The following CDH12 variants were observed in gnomAD, a reference collection of about 807,000 sequenced individuals.
The protein encoded by CDH12 is cadherin-12.
A neutral mutation model predicts 74.1 loss-of-function variants in CDH12; 41 were observed. That is an observed-to-expected ratio of 0.55 (90% CI 0.43 to 0.72). The LOEUF (loss-of-function observed/expected upper bound fraction) is 0.72. CDH12 is among the 30% of genes least tolerant of loss of function. CDH12 has a pLI of 0.00. For synonymous variants in CDH12, 399 were observed against 355.0 expected (o/e 1.12, Z -1.39); for missense variants, 945 against 977.2 (o/e 0.97, Z 0.44).
intron 1 of CDH12, among the ~76,000 whole-genome samples, chr5:22,660,336 G>C (rs1006060322): frequency 1.3e-5 from 2 of 152,162 alleles, no homozygotes; most frequent in African/African-American, 4.8e-5. Flanking sequence ...AAATGATAGT[G>C]CATGCTATAT....
intron 3 of CDH12, among the ~76,000 whole-genome samples, chr5:22,316,494 C>A (rs1039411497): frequency 6.6e-6 from 1 of 152,096 alleles, no homozygotes. Flanking sequence ...GCTTACCTTG[C>A]ATTCACAGAG....
At chr5:22,205,923 A>G (rs1751190760) in intron 4 of CDH12, among the ~76,000 whole-genome samples, 1 of 152,104 alleles carries the variant, frequency 6.6e-6, no homozygotes, top group African/African-American at 2.4e-5. Context: ...ACATCCAACT[A>G]TTCTATGTCC....
intron 2 of CDH12, among the ~76,000 whole-genome samples, chr5:22,444,225 G>A (rs1445279204): frequency 2.6e-5 from 4 of 151,798 alleles, no homozygotes; most frequent in Admixed American, 6.6e-5. Context: ...CTGGGTAGTC[G>A]TTTGCTGTGA....
At chr5:21,900,841 A>G (rs1230579073) in intron 6 of CDH12, among the ~76,000 whole-genome samples, 1 of 152,192 alleles carries the variant, frequency 6.6e-6, no homozygotes, top group African/African-American at 2.4e-5. Flanking sequence ...ACAGAATCAT[A>G]CAGTCATCTT....
intron 4 of CDH12, among the ~76,000 whole-genome samples, chr5:22,141,015 C>T (rs2150297774): frequency 6.6e-6 from 1 of 152,278 alleles, no homozygotes; most frequent in South Asian, 2.1e-4. Flanking sequence ...AACCTTTCCT[C>T]CTAGTGGACA....
chr5:21,790,715 G>A (rs566067585), intron 10 of CDH12, among the ~76,000 whole-genome samples: 1 of 152,136 alleles, frequency 6.6e-6, no homozygotes, highest in Non-Finnish European at 1.5e-5. Context: ...CAGCGTGTGA[G>A]TGTATGTGTA....
At chr5:22,487,368 C>A (rs189926215) in intron 2 of CDH12, among the ~76,000 whole-genome samples, 8 of 152,008 alleles carry the variant, frequency 5.3e-5, no homozygotes, top group Admixed American at 4.6e-4. Flanking sequence ...ATATAGTGGA[C>A]AACAAGGTAA....
At chr5:22,609,700 G>T (rs1159247934) in intron 1 of CDH12, among the ~76,000 whole-genome samples, 2 of 152,016 alleles carry the variant, frequency 1.3e-5, no homozygotes, top group African/African-American at 4.8e-5. Context: ...GATATTAAGG[G>T]TAGGAAGAAA....
intron 1 of CDH12, among the ~76,000 whole-genome samples, chr5:22,718,292 C>A (rs1296182912): frequency 6.6e-6 from 1 of 152,174 alleles, no homozygotes; most frequent in Non-Finnish European, 1.5e-5. Flanking sequence ...TTTCCATCCA[C>A]CCCCACTCCC....
chr5:22,610,254 T>C (rs916173436), intron 1 of CDH12, among the ~76,000 whole-genome samples: 1 of 152,168 alleles, frequency 6.6e-6, no homozygotes, highest in African/African-American at 2.4e-5. Flanking sequence ...TCTTATATCA[T>C]GTCTTGGAAG....
At chr5:22,817,216 TG>T (rs1230860588) in intron 1 of CDH12, among the ~76,000 whole-genome samples, 1 of 152,118 alleles carries the variant, frequency 6.6e-6, no homozygotes, top group African/African-American at 2.4e-5. Flanking sequence ...TTATTCAAAG[TG>T]TGGTTTTAGT....
chr5:22,673,482 T>C (rs1341750661), intron 1 of CDH12, among the ~76,000 whole-genome samples: 1 of 152,162 alleles, frequency 6.6e-6, no homozygotes, highest in Non-Finnish European at 1.5e-5. Context: ...TTCTTCATTG[T>C]ATAATGGTAA....
In CDH12 at chr5:22,752,545, CTTTTTTTTTTTTTTTT is replaced by C. The variant is rs1159388186; in HGVS notation, c.-523+100497_-523+100512del. Reference sequence around the variant, plus strand: ...GATGAAGAAAGCAGATAGGATACTTCTTTTTTTTTTTTTTTTTTTTTTTTTTTTCTTTTTTTTTTTT... The same window carrying C: ...GATGAAGAAAGCAGATAGGATACTTCTTTTTTTTTTTTCTTTTTTTTTTTT... On this transcript the variant is annotated intron_variant, in intron 1 of 14. Transcript: ENST00000382254. 2.7e-3 allele frequency among the ~76,000 whole-genome samples: 178 copies of C among 65,754 alleles called. 2 individuals carry two copies. The highest frequency in any genetic ancestry group is 0.011 in the African/African-American group (157 of 13,844). 43.1% of individuals were successfully genotyped at this position (65,754 alleles called of 152,430 possible).
chr5:21,752,275 C>T (rs374474987), intron 14 of CDH12, 39 bp from the exon 15 acceptor site: 17 of 1,535,548 alleles, frequency 1.1e-5, no homozygotes, highest in Non-Finnish European at 1.3e-5. Flanking sequence ...GAATAGAAAG[C>T]AGATAGGTCA....
intron 4 of CDH12, among the ~76,000 whole-genome samples, chr5:22,187,960 T>C (rs1750061272): frequency 6.6e-6 from 1 of 152,124 alleles, no homozygotes; most frequent in Non-Finnish European, 1.5e-5. Context: ...TGGTTCTTTG[T>C]CTTGCTGGTC....
At chr5:21,886,195 T>C (rs144927873) in intron 6 of CDH12, among the ~76,000 whole-genome samples, 1 of 152,212 alleles carries the variant, frequency 6.6e-6, no homozygotes, top group African/African-American at 2.4e-5. Flanking sequence ...ACTTCTTTTG[T>C]TCTGATTTTG....
intron 1 of CDH12, among the ~76,000 whole-genome samples, chr5:22,627,363 A>G (rs1738353007): frequency 6.6e-6 from 1 of 151,942 alleles, no homozygotes; most frequent in African/African-American, 2.4e-5. Flanking sequence ...CACCTACAAA[A>G]GGAACCCATC....
rs1167475672 is a variant in CDH12, at chr5:21,945,427, C to CAAAAAAAAAAAAAA, written c.526+29650_526+29663dup. ...GGCAACAGAGTGAGACTGTTTCAGACAAAAAAAAAAAAAAAAAAAAAAAAA... is the reference window on the plus strand; with the variant it reads ...GGCAACAGAGTGAGACTGTTTCAGACAAAAAAAAAAAAAAAAAAAAAAAAAAAAAAAAAAAAAAA... On this transcript the variant is annotated intron_variant, in intron 6 of 14. Coordinates refer to ENST00000382254, the MANE Select transcript of CDH12 (RefSeq NM_004061.5). 1.9e-4 allele frequency among the ~76,000 whole-genome samples: 3 copies of CAAAAAAAAAAAAAA among 15,518 alleles called. 1 individual carries two copies. The highest frequency in any genetic ancestry group is 6.9e-4 in the African/African-American group (3 of 4,358). The allele number at this position is 15,518 out of a possible 152,430, so 10.2% of individuals were successfully genotyped here.
chr5:22,286,923 T>A (rs1737157468), intron 3 of CDH12, among the ~76,000 whole-genome samples: 1 of 152,144 alleles, frequency 6.6e-6, no homozygotes, highest in African/African-American at 2.4e-5. Flanking sequence ...TGTCTCTGAG[T>A]TACAAAGTCC....
Sources: allele counts gnomAD v4.1 joint callset (sites outside exome capture counted in the v4.1 genomes callset), GRCh38; gene constraint gnomAD v4.1.1; transcripts MANE v1.5; gene names NCBI Gene and HGNC (gene_info 2026-07-23, HGNC 2026-07-21).